MAD1L1: variants seen among roughly 807,000 people sequenced by gnomAD.
The protein encoded by MAD1L1 is mitotic arrest deficient 1 like 1, also known as mitotic spindle assembly checkpoint protein MAD1.
A neutral mutation model predicts 96.9 loss-of-function variants in MAD1L1; 95 were observed. The observed-to-expected ratio is 0.98, with a 90% confidence interval of 0.83 to 1.16. The LOEUF (loss-of-function observed/expected upper bound fraction) is 1.16. Ranked by LOEUF, MAD1L1 falls within the 50% of genes most tolerant of loss-of-function variation. The pLI, the probability that MAD1L1 is intolerant of heterozygous loss-of-function variation, is 0.00. For synonymous variants in MAD1L1, 473 were observed against 396.6 expected, an observed-to-expected ratio of 1.19 and a Z score of -2.29; for missense variants, 1,007 against 954.4, an observed-to-expected ratio of 1.06 and a Z score of -0.73.
In MAD1L1 at chr7:2,230,211, A is replaced by T; in HGVS notation, c.-10-68T>A. Reference sequence around the variant, plus strand: ...ACGTGCCATCAGCCGTGCAGTCAGCAGAGCCTCTGGACAGCCCCACTCCCC... The same window carrying T: ...ACGTGCCATCAGCCGTGCAGTCAGCTGAGCCTCTGGACAGCCCCACTCCCC... On this transcript the variant is annotated intron_variant, in intron 2 of 18. Transcript: ENST00000265854. 5.9e-6 allele frequency: 8 copies of T among 1,355,630 alleles called. No individual in the cohort carries two copies. In the South Asian group the frequency reaches 8.0e-5, roughly 14 times the overall value. The allele number at this position is 1,355,630 out of a possible 1,614,324, so 84.0% of individuals were successfully genotyped here.
intron 12 of MAD1L1, among the ~76,000 whole-genome samples, chr7:2,047,680 G>A (rs9639202): frequency 0.14 from 21,523 of 152,250 alleles, 1,919 homozygotes; most frequent in Middle Eastern, 0.29. Context: ...ACACATGTGC[G>A]CACACAGCAC....
intron 16 of MAD1L1, among the ~76,000 whole-genome samples, chr7:1,952,319 G>A (rs564048115): frequency 7.9e-5 from 12 of 152,308 alleles, no homozygotes; most frequent in African/African-American, 2.6e-4. Context: ...CAGCCTCCCC[G>A]GCGGCCCGGT....
rs138524630 is a variant in MAD1L1 at position 1,952,955 on chromosome 7, G to A, written c.1596+4674C>T. 1.9e-3 allele frequency among the ~76,000 whole-genome samples: 283 copies of A among 152,316 alleles called. 2 individuals carry two copies. The highest frequency in any genetic ancestry group is 6.4e-3 in the African/African-American group (265 of 41,576). ...CCGGGAGGCCCCGGTACAGGGACAC[G>A]ACCCCAGCCCACCACACCTGGGCAT... On this transcript the variant is annotated intron_variant, in intron 16 of 18. Coordinates refer to ENST00000265854, the MANE Select transcript of MAD1L1 (RefSeq NM_001013836.2).
At chr7:2,125,416 G>C (rs1317415062) in intron 11 of MAD1L1, among the ~76,000 whole-genome samples, 1 of 152,220 alleles carries the variant, frequency 6.6e-6, no homozygotes, top group Non-Finnish European at 1.5e-5. Flanking sequence ...CCGGGCGACA[G>C]CTCAAAACAA....
At chr7:2,224,875 G>A (rs1317616909) in intron 4 of MAD1L1, among the ~76,000 whole-genome samples, 5 of 152,098 alleles carry the variant, frequency 3.3e-5, no homozygotes, top group Admixed American at 3.3e-4. Context: ...CTTTGCTAGG[G>A]CCCTCCAACC....
intron 11 of MAD1L1, among the ~76,000 whole-genome samples, chr7:2,083,709 C>T (rs912982638): frequency 1.3e-5 from 2 of 152,276 alleles, no homozygotes; most frequent in Non-Finnish European, 2.9e-5. Flanking sequence ...CCGCCACTGA[C>T]CTGCAGCAGG....
At chr7:2,169,984 C>T (rs1051523894) in intron 10 of MAD1L1, among the ~76,000 whole-genome samples, 15 of 152,176 alleles carry the variant, frequency 9.9e-5, no homozygotes, top group Non-Finnish European at 2.1e-4. Context: ...CTTCCTGAGA[C>T]GAGACAGGAT....
intron 15 of MAD1L1, among the ~76,000 whole-genome samples, chr7:1,972,907 C>A (rs373383711): frequency 2.0e-5 from 3 of 152,194 alleles, no homozygotes; most frequent in Non-Finnish European, 2.9e-5. Context: ...CCTCCTCCCC[C>A]ACACGGGCAA....
In MAD1L1 at chr7:1,866,968, C is replaced by T. The variant is rs1033832910; in HGVS notation, c.1998+31232G>A. Reference sequence around the variant, plus strand: ...GCAGTAGGGATGGGGAGGTGCAGCTCGGAGGTAGGGGAGGTAGTGGGCAGC... The same window carrying T: ...GCAGTAGGGATGGGGAGGTGCAGCTTGGAGGTAGGGGAGGTAGTGGGCAGC... On this transcript the variant is annotated intron_variant, in intron 18 of 18. Coordinates refer to ENST00000265854, the MANE Select transcript of MAD1L1 (RefSeq NM_001013836.2). Among the ~76,000 whole-genome samples, 13 of 152,222 alleles carry T rather than the reference C, an allele frequency of 8.5e-5. No homozygotes were observed. The South Asian group carries it at 1.5e-3, about 17-fold the overall frequency.
chr7:1,908,147 A>G (rs1253247996), intron 17 of MAD1L1, among the ~76,000 whole-genome samples: 2 of 152,236 alleles, frequency 1.3e-5, no homozygotes, highest in African/African-American at 4.8e-5. Context: ...CCAGCATGAC[A>G]GGCCCAGCAA....
At chr7:2,139,108 G>GCCTCAC (rs1349692980) in intron 11 of MAD1L1, among the ~76,000 whole-genome samples, 1 of 152,120 alleles carries the variant, frequency 6.6e-6, no homozygotes, top group Non-Finnish European at 1.5e-5. Flanking sequence ...GGCTGCCTCA[G>GCCTCAC]CCTCACCCTC....
intron 18 of MAD1L1, among the ~76,000 whole-genome samples, chr7:1,863,365 C>A (rs1438314476): frequency 6.6e-6 from 1 of 152,238 alleles, no homozygotes; most frequent in Non-Finnish European, 1.5e-5. Flanking sequence ...AAGGCAGCTA[C>A]CGGCAGGCCC....
intron 10 of MAD1L1, among the ~76,000 whole-genome samples, chr7:2,209,519 C>T (rs938029037): frequency 7.2e-5 from 11 of 152,194 alleles, no homozygotes; most frequent in Non-Finnish European, 1.3e-4. Context: ...GGAACAGTGG[C>T]CACAAGCCCC....
intron 13 of MAD1L1, among the ~76,000 whole-genome samples, chr7:2,010,815 G>A (rs532019333): frequency 6.6e-6 from 1 of 152,292 alleles, no homozygotes; most frequent in South Asian, 2.1e-4. Flanking sequence ...CCCGAGAGGC[G>A]CCTTCCCCAG....
At chr7:1,918,484 GC>G (rs1446480159) in intron 17 of MAD1L1, among the ~76,000 whole-genome samples, 4 of 152,168 alleles carry the variant, frequency 2.6e-5, no homozygotes, top group Non-Finnish European at 5.9e-5. Flanking sequence ...GAGCTCCGAG[GC>G]CCAGGCCGGG....
At chr7:1,952,454 G>A (rs549560549) in intron 16 of MAD1L1, among the ~76,000 whole-genome samples, 1 of 152,198 alleles carries the variant, frequency 6.6e-6, no homozygotes, top group Admixed American at 6.5e-5. Context: ...TTTCACGGAC[G>A]GGAAGCACCT....
chr7:2,032,009 A>G (rs1783249199), intron 12 of MAD1L1, among the ~76,000 whole-genome samples: 1 of 152,232 alleles, frequency 6.6e-6, no homozygotes, highest in Non-Finnish European at 1.5e-5. Flanking sequence ...AAAATCTTAC[A>G]GTGCTGCAAA....
chr7:1,883,689 A>G (rs529055548), intron 18 of MAD1L1, among the ~76,000 whole-genome samples: 17 of 152,314 alleles, frequency 1.1e-4, no homozygotes, highest in African/African-American at 4.1e-4. Flanking sequence ...GCGGGGTCCA[A>G]AGCCTGATTT....
chr7:2,207,092 A>AG (rs1562371544), intron 10 of MAD1L1, among the ~76,000 whole-genome samples: 1 of 152,062 alleles, frequency 6.6e-6, no homozygotes. Flanking sequence ...AAAAAAAAAA[A>AG]AAAGAAATTT....
Sources: gnomAD v4.1 joint callset for allele counts (sites outside exome capture counted in the v4.1 genomes callset) on GRCh38, gnomAD v4.1.1 for gene constraint, MANE v1.5 for transcripts, NCBI Gene and HGNC (gene_info 2026-07-23, HGNC 2026-07-21) for gene names.